INPP4B: variants seen among roughly 807,000 people sequenced by gnomAD.
The protein encoded by INPP4B is inositol polyphosphate 4-phosphatase type II.
INPP4B carries 55 observed loss-of-function variants against 122.5 expected under a neutral mutation model. That is an observed-to-expected ratio of 0.45 (90% CI 0.36 to 0.56). INPP4B has a LOEUF of 0.56. Among genes scored for constraint, INPP4B ranks in the 20% least tolerant of loss-of-function variants. The pLI is 0.00. For synonymous variants in INPP4B, 403 were observed against 388.7 expected, an observed-to-expected ratio of 1.04 and a Z score of -0.43; for missense variants, 1,000 against 1,097.7, an observed-to-expected ratio of 0.91 and a Z score of 1.26.
intron 2 of INPP4B, among the ~76,000 whole-genome samples, chr4:142,523,587 C>T (rs948535587): frequency 2.0e-5 from 3 of 152,072 alleles, no homozygotes; most frequent in African/African-American, 4.8e-5. Flanking sequence ...CCACTCTTCC[C>T]ACAATGTCCC....
In INPP4B at chr4:142,629,147, CA is replaced by C. The variant is rs541041485; in HGVS notation, c.-191+96691del. 4.0e-5 allele frequency among the ~76,000 whole-genome samples: 6 copies of C among 151,800 alleles called. No homozygotes were observed. The South Asian group carries it at 1.2e-3, about 32-fold the overall frequency. On this transcript the variant is annotated intron_variant, in intron 2 of 25. Transcript: ENST00000262992. ...GTGCCCAGTGGTTCTTCTCTCAGCC[CA>C]AGTCTGCTGGAAAAGTGAGGAGATT...
intron 2 of INPP4B, among the ~76,000 whole-genome samples, chr4:142,544,103 T>A (rs900017302): frequency 1.2e-5 from 1 of 85,406 alleles, no homozygotes; most frequent in African/African-American, 4.6e-5. Context: ...GGAAGTATAA[T>A]GCACAAATAC....
At chr4:142,317,687 T>C (rs961170578) in intron 7 of INPP4B, 6 of 152,396 alleles carry the variant, frequency 3.9e-5, no homozygotes, top group African/African-American at 1.2e-4. Flanking sequence ...TGGAAATGAA[T>C]TGATTTGCAG....
intron 5 of INPP4B, among the ~76,000 whole-genome samples, chr4:142,425,723 T>C (rs969855706): frequency 1.3e-5 from 2 of 152,034 alleles, no homozygotes; most frequent in East Asian, 3.9e-4. Context: ...CTCCCCCAGA[T>C]ATGTTCTATC....
chr4:142,157,825 T>C (rs750800800), intron 17 of INPP4B, among the ~76,000 whole-genome samples: 5 of 152,094 alleles, frequency 3.3e-5, no homozygotes, highest in Non-Finnish European at 7.4e-5. Flanking sequence ...CAAGTACTCA[T>C]TTCTTCGGTG....
At chr4:142,520,056 A>G (rs1825888578) in intron 2 of INPP4B, among the ~76,000 whole-genome samples, 1 of 152,088 alleles carries the variant, frequency 6.6e-6, no homozygotes. Context: ...TATTAAAGGT[A>G]TTAAATTATA....
At chr4:142,693,891 C>T (rs1760605334) in intron 2 of INPP4B, among the ~76,000 whole-genome samples, 1 of 151,820 alleles carries the variant, frequency 6.6e-6, no homozygotes, top group Non-Finnish European at 1.5e-5. Flanking sequence ...AAGAAAAAGC[C>T]TTGAAAACTG....
chr4:142,055,775 C>T (rs1438988549), intron 25 of INPP4B, among the ~76,000 whole-genome samples: 2 of 151,732 alleles, frequency 1.3e-5, no homozygotes, highest in African/African-American at 4.8e-5. Context: ...TTTTTGGCAC[C>T]AGGAACTGGT....
intron 2 of INPP4B, among the ~76,000 whole-genome samples, chr4:142,702,730 CAA>C (rs35472471): frequency 0.055 from 3,524 of 64,584 alleles, 22 homozygotes; most frequent in African/African-American, 0.08. Flanking sequence ...AACTCCGTCT[CAA>C]AAAAAAAAAA....
chr4:142,548,753 G>C (rs1239539321), intron 2 of INPP4B, among the ~76,000 whole-genome samples: 1 of 65,424 alleles, frequency 1.5e-5, no homozygotes, highest in Non-Finnish European at 3.0e-5. Context: ...ATGTGTCTGT[G>C]TGTGTGTGTG....
chr4:142,376,243 T>A (rs565048333), intron 7 of INPP4B, among the ~76,000 whole-genome samples: 9 of 152,006 alleles, frequency 5.9e-5, no homozygotes, highest in Admixed American at 6.6e-5. Flanking sequence ...AGATATATAG[T>A]TCTTCTTCCC....
At chr4:142,704,638 T>C (rs908570939) in intron 2 of INPP4B, among the ~76,000 whole-genome samples, 1 of 152,226 alleles carries the variant, frequency 6.6e-6, no homozygotes, top group East Asian at 1.9e-4. Flanking sequence ...CCTTCCCAAT[T>C]GCTCAAAGAT....
chr4:142,611,550 TAA>T (rs558152132), intron 2 of INPP4B, among the ~76,000 whole-genome samples: 1 of 146,360 alleles, frequency 6.8e-6, no homozygotes, highest in Admixed American at 6.8e-5. Context: ...TTTTCGTTTG[TAA>T]AAAAAAAAAT....
chr4:142,294,628 A>G (rs1002755789), intron 9 of INPP4B, among the ~76,000 whole-genome samples: 3 of 151,800 alleles, frequency 2.0e-5, no homozygotes, highest in Non-Finnish European at 4.4e-5. Context: ...GAGCTCAAAA[A>G]GCATGAGAAT....
At position 142,549,702 on chromosome 4, in the gene INPP4B, G is replaced by C. The variant is rs180868081; in HGVS notation, c.-190-86976C>G. Among the ~76,000 whole-genome samples the C allele has an allele frequency of 1.1e-3, 175 of 152,206 alleles. 1 individual carries two copies. The highest frequency in any genetic ancestry group is 1.5e-3 in the Non-Finnish European group (99 of 67,998). On this transcript the variant is annotated intron_variant, in intron 2 of 25. Transcript: ENST00000262992. ...TGGCTTGGAAAAGAACTCATTCCTT[G>C]GATGGTTACACAGGGGTGTCATTGA...
intron 2 of INPP4B, among the ~76,000 whole-genome samples, chr4:142,724,897 T>A (rs374923934): frequency 6.6e-6 from 1 of 152,044 alleles, no homozygotes; most frequent in Non-Finnish European, 1.5e-5. Context: ...ATTCAGTAAT[T>A]TGTCAAAAAT....
intron 2 of INPP4B, among the ~76,000 whole-genome samples, chr4:142,535,881 C>T (rs926102035): frequency 2.0e-5 from 3 of 152,124 alleles, no homozygotes; most frequent in Admixed American, 2.0e-4. Flanking sequence ...AGGCTGATAT[C>T]TTCAGTTCCC....
At chr4:142,371,518 C>T (rs1425032042) in intron 7 of INPP4B, among the ~76,000 whole-genome samples, 3 of 152,038 alleles carry the variant, frequency 2.0e-5, no homozygotes, top group Admixed American at 1.3e-4. Flanking sequence ...TATTTGCAAA[C>T]TGTTTATCTG....
At chr4:142,196,958 C>G (rs1838504475) in intron 14 of INPP4B, among the ~76,000 whole-genome samples, 1 of 151,620 alleles carries the variant, frequency 6.6e-6, no homozygotes, top group Non-Finnish European at 1.5e-5. Context: ...AACCCCGTCT[C>G]TACTAAAAAT....
Sources: gnomAD v4.1 joint callset for allele counts (sites outside exome capture counted in the v4.1 genomes callset) on GRCh38, gnomAD v4.1.1 for gene constraint, MANE v1.5 for transcripts, NCBI Gene and HGNC (gene_info 2026-07-23, HGNC 2026-07-21) for gene names.